The following SEC24D variants were observed in gnomAD, a reference collection of about 807,000 sequenced individuals.
The protein encoded by SEC24D is SEC24 homolog D, COPII component, also known as protein transport protein Sec24D.
A neutral mutation model predicts 116.9 loss-of-function variants in SEC24D; 69 were observed. The ratio of observed to expected loss-of-function variants is 0.59; its 90% CI spans 0.49 to 0.72. The LOEUF (loss-of-function observed/expected upper bound fraction) is 0.72, where lower values mean the gene tolerates loss of function less well. Among genes scored for constraint, SEC24D ranks in the 30% least tolerant of loss-of-function variants. The pLI, the probability that SEC24D is intolerant of heterozygous loss-of-function variation, is 0.00. For synonymous variants in SEC24D, 405 were observed against 442.8 expected (o/e 0.91, Z 1.07); for missense variants, 1,131 against 1,264.1 (o/e 0.89, Z 1.60).
intron 2 of SEC24D, among the ~76,000 whole-genome samples, chr4:118,831,341 T>C (rs1214543085): frequency 6.6e-6 from 1 of 152,104 alleles, no homozygotes; most frequent in Non-Finnish European, 1.5e-5. Context: ...GTTTTGTTTT[T>C]TTGTTTTTTT....
chr4:118,760,648 T>C (rs949979168), intron 10 of SEC24D: 2 of 152,214 alleles, frequency 1.3e-5, no homozygotes, highest in African/African-American at 4.8e-5. Context: ...TTTGAGACTC[T>C]GCTTTCAATT....
intron 14 of SEC24D, 22 bp downstream of exon 14, chr4:118,744,922 T>C (rs779886867): frequency 7.9e-7 from 1 of 1,271,384 alleles, no homozygotes. Flanking sequence ...GACATATGGA[T>C]ACTCAAAGAG....
At chr4:118,767,212 G>A (rs1267720747) in intron 9 of SEC24D, among the ~76,000 whole-genome samples, 1 of 152,198 alleles carries the variant, frequency 6.6e-6, no homozygotes, top group African/African-American at 2.4e-5. Context: ...GCGAGATAAG[G>A]TGGCAGGGAA....
rs557573838 is a variant in SEC24D at position 118,731,887 on chromosome 4, G to A, written c.2677-380C>T. Among the ~76,000 whole-genome samples the A allele has an allele frequency of 2.2e-4, 33 of 152,186 alleles. No homozygotes were observed. In the South Asian group the frequency reaches 6.0e-3, roughly 28 times the overall value. On this transcript the variant is annotated intron_variant, in intron 20 of 22. Transcript: ENST00000280551. ...TGAGGAGGTAAGAGAAGGTGCCATC[G>A]GGACAACTGGAGAAGACCATTTCAG...
At position 118,813,416 on chromosome 4, in the gene SEC24D, G is replaced by A. The variant is rs1560742335; in HGVS notation, c.801+1612C>T. On this transcript the variant is annotated intron_variant, in intron 6 of 22. Transcript: ENST00000280551. ...TTCTTATAGCTATGGAGGCTAAGAC[G>A]TCCCAGGTTGAGGGGCCACATGTGG... Among the ~76,000 whole-genome samples, 5 of 152,210 alleles carry A rather than the reference G, an allele frequency of 3.3e-5. No homozygotes were observed. In the South Asian group the frequency reaches 6.2e-4, roughly 19 times the overall value.
At chr4:118,743,000 G>A (rs373433156) in intron 15 of SEC24D, among the ~76,000 whole-genome samples, 1 of 152,196 alleles carries the variant, frequency 6.6e-6, no homozygotes, top group African/African-American at 2.4e-5. Context: ...CCCACTCTGT[G>A]CCGGGGCGCA....
At chr4:118,826,389 G>T (rs1436115198) in intron 2 of SEC24D, among the ~76,000 whole-genome samples, 1 of 152,152 alleles carries the variant, frequency 6.6e-6, no homozygotes, top group Non-Finnish European at 1.5e-5. Flanking sequence ...GGATATGACG[G>T]TTTTTAAAAC....
intron 8 of SEC24D, among the ~76,000 whole-genome samples, chr4:118,795,977 A>C (rs1482802907): frequency 6.6e-6 from 1 of 152,196 alleles, no homozygotes; most frequent in Non-Finnish European, 1.5e-5. Flanking sequence ...CTACCTAATG[A>C]TATGCATTCT....
At chr4:118,778,053 G>A (rs1412926147) in intron 8 of SEC24D, among the ~76,000 whole-genome samples, 1 of 152,058 alleles carries the variant, frequency 6.6e-6, no homozygotes, top group Non-Finnish European at 1.5e-5. Context: ...CCATTCTGTA[G>A]GTTGCCTGTT....
At chr4:118,752,962 G>A in intron 11 of SEC24D, 74 bp from the exon 12 acceptor site, 2 of 1,080,204 alleles carry the variant, frequency 1.9e-6, no homozygotes, top group Admixed American at 2.7e-5. Flanking sequence ...CTGAAATTCA[G>A]TAAGTGTGTC....
intron 2 of SEC24D, chr4:118,825,615 C>G (rs1429744429): frequency 2.2e-6 from 1 of 455,972 alleles, no homozygotes; most frequent in Non-Finnish European, 4.4e-6. Context: ...CCTCAGTTTT[C>G]TTCCTGTAAA....
intron 6 of SEC24D, 118 bp from the exon 7 acceptor site, chr4:118,806,072 C>G (rs1055999512): frequency 2.1e-5 from 14 of 661,960 alleles, no homozygotes; most frequent in Non-Finnish European, 2.6e-5. Context: ...AATATTCACA[C>G]ACACAGAGAT....
intron 7 of SEC24D, among the ~76,000 whole-genome samples, chr4:118,801,319 T>C (rs1428850541): frequency 6.6e-6 from 1 of 150,552 alleles, no homozygotes; most frequent in Non-Finnish European, 1.5e-5. Flanking sequence ...AATTAAGTAA[T>C]TGAAGAAAAT....
chr4:118,787,512 T>C (rs1728704831), intron 8 of SEC24D, among the ~76,000 whole-genome samples: 1 of 152,222 alleles, frequency 6.6e-6, no homozygotes, highest in African/African-American at 2.4e-5. Context: ...TCATGTGTTC[T>C]TTTTATTTTT....
intron 13 of SEC24D, among the ~76,000 whole-genome samples, chr4:118,746,231 G>GGGAGGGAGGGAGGGACGGAA (rs1553923443): frequency 8.7e-6 from 1 of 114,486 alleles, no homozygotes; most frequent in African/African-American, 3.0e-5. Flanking sequence ...GGTTGGGGGA[G>GGGAGGGAGGGAGGGACGGAA]GGAGGGAGGG....
intron 8 of SEC24D, among the ~76,000 whole-genome samples, chr4:118,795,052 G>A (rs1331558140): frequency 6.6e-6 from 1 of 152,092 alleles, no homozygotes; most frequent in Non-Finnish European, 1.5e-5. Flanking sequence ...GGAGGAAGCA[G>A]AGGTAGGCAG....
At chr4:118,745,552 G>T (rs1726476180) in intron 13 of SEC24D, among the ~76,000 whole-genome samples, 1 of 152,154 alleles carries the variant, frequency 6.6e-6, no homozygotes, top group South Asian at 2.1e-4. Context: ...TGGTGGTGTG[G>T]CAACAGTAGA....
chr4:118,736,619 A>G, intron 19 of SEC24D: 1 of 258,356 alleles, frequency 3.9e-6, no homozygotes, highest in Non-Finnish European at 7.6e-6. Context: ...GAGAACATTA[A>G]GTCCAACTAT....
intron 22 of SEC24D, among the ~76,000 whole-genome samples, chr4:118,724,298 T>C (rs532886095): frequency 6.6e-6 from 1 of 152,086 alleles, no homozygotes; most frequent in African/African-American, 2.4e-5. Flanking sequence ...CAGGGAGAAC[T>C]CCTGTCCTTT....
Sources: allele counts gnomAD v4.1 joint callset (sites outside exome capture counted in the v4.1 genomes callset), GRCh38; gene constraint gnomAD v4.1.1; transcripts MANE v1.5; gene names NCBI Gene and HGNC (gene_info 2026-07-23, HGNC 2026-07-21).